LRP1B: variants seen among roughly 807,000 people sequenced by gnomAD.
LRP1B encodes low-density lipoprotein receptor-related protein 1B.
A neutral mutation model predicts 556.6 loss-of-function variants in LRP1B; 217 were observed. The ratio of observed to expected loss-of-function variants is 0.39; its 90% CI spans 0.35 to 0.44. LRP1B has a LOEUF of 0.44. Among genes scored for constraint, LRP1B ranks in the 20% least tolerant of loss-of-function variants. LRP1B has a pLI of 1.00. For missense variants in LRP1B, 5,053 were observed against 5,620.8 expected (o/e 0.90, Z 3.23); for synonymous variants, 2,047 against 1,865.8 (o/e 1.10, Z -2.50).
chr2:141,735,698 G>A (rs550406820), intron 2 of LRP1B, among the ~76,000 whole-genome samples: 7 of 152,020 alleles, frequency 4.6e-5, no homozygotes, highest in Non-Finnish European at 1.0e-4. Flanking sequence ...CTTCTGCAGA[G>A]CTTTATTTAT....
chr2:141,667,038 C>G (rs1464539795), intron 2 of LRP1B, among the ~76,000 whole-genome samples: 1 of 151,918 alleles, frequency 6.6e-6, no homozygotes, highest in Non-Finnish European at 1.5e-5. Context: ...AAGGTTCAAA[C>G]TATTAGAGAG....
chr2:140,916,510 C>G (rs1339601034), intron 21 of LRP1B, among the ~76,000 whole-genome samples: 1 of 152,150 alleles, frequency 6.6e-6, no homozygotes, highest in Non-Finnish European at 1.5e-5. Context: ...GTGTGCCAGT[C>G]AGTTCTCTAT....
chr2:141,410,439 T>C (rs1471577618), intron 3 of LRP1B, among the ~76,000 whole-genome samples: 3 of 152,158 alleles, frequency 2.0e-5, no homozygotes, highest in African/African-American at 7.2e-5. Context: ...CATATTAAGA[T>C]GATAATGTCA....
At position 141,999,525 on chromosome 2, in the gene LRP1B, T is replaced by G. The variant is rs191386994; in HGVS notation, c.82+131123A>C. ...CAATGGCTTGTTTAATTTTATTGAA[T>G]TTTGTTAAAGAAATAAAGATTTAAA... is the stretch of plus-strand genomic sequence containing the variant. On this transcript the variant is annotated intron_variant, in intron 1 of 90. Coordinates refer to ENST00000389484, the MANE Select transcript of LRP1B (RefSeq NM_018557.3). 2.4e-4 allele frequency among the ~76,000 whole-genome samples: 37 copies of G among 152,250 alleles called. 1 individual carries two copies. The highest frequency in any genetic ancestry group is 8.7e-4 in the African/African-American group (36 of 41,560).
At chr2:140,792,579 A>G (rs1690160033) in intron 32 of LRP1B, among the ~76,000 whole-genome samples, 1 of 152,184 alleles carries the variant, frequency 6.6e-6, no homozygotes, top group Admixed American at 6.5e-5. Flanking sequence ...TTTGGTTTTC[A>G]GTTCTTGGAG....
intron 35 of LRP1B, among the ~76,000 whole-genome samples, chr2:140,757,710 A>C (rs1396648224): frequency 6.6e-6 from 1 of 152,116 alleles, no homozygotes; most frequent in Non-Finnish European, 1.5e-5. Context: ...GCAAAACCGC[A>C]TCTCTGCTAA....
chr2:141,326,382 T>A (rs992607338), intron 3 of LRP1B, among the ~76,000 whole-genome samples: 6 of 152,094 alleles, frequency 3.9e-5, no homozygotes, highest in African/African-American at 1.2e-4. Flanking sequence ...GGAAAGGACA[T>A]TATAATCTAA....
chr2:140,356,969 G>T (rs1318021599), intron 74 of LRP1B, among the ~76,000 whole-genome samples: 1 of 151,528 alleles, frequency 6.6e-6, no homozygotes, highest in African/African-American at 2.4e-5. Flanking sequence ...ATTTTTTTAT[G>T]CTGGACATAC....
chr2:140,897,053 A>AT (rs1420774992), intron 23 of LRP1B, among the ~76,000 whole-genome samples: 1 of 152,238 alleles, frequency 6.6e-6, no homozygotes, highest in Non-Finnish European at 1.5e-5. Context: ...AAAGTGCACT[A>AT]TACATTTCAG....
intron 1 of LRP1B, among the ~76,000 whole-genome samples, chr2:141,882,035 G>T (rs12616478): frequency 6.6e-6 from 1 of 152,178 alleles, no homozygotes; most frequent in East Asian, 1.9e-4. Context: ...GGGATTATAG[G>T]TGTGAGCCAT....
chr2:140,702,403 A>G, intron 38 of LRP1B, 24 bp downstream of exon 38: 1 of 1,612,322 alleles, frequency 6.2e-7, no homozygotes, highest in Non-Finnish European at 8.5e-7. Flanking sequence ...GGCACTTTAA[A>G]TACTGAAAAG....
intron 7 of LRP1B, among the ~76,000 whole-genome samples, chr2:141,176,466 C>G (rs1335156203): frequency 6.6e-6 from 1 of 152,028 alleles, no homozygotes; most frequent in Admixed American, 6.6e-5. Flanking sequence ...TGGTCTCTCT[C>G]TCACCACCAT....
intron 86 of LRP1B, among the ~76,000 whole-genome samples, chr2:140,262,698 G>C (rs924300490): frequency 1.3e-5 from 2 of 152,054 alleles, no homozygotes; most frequent in Non-Finnish European, 2.9e-5. Context: ...AAAACAAGAG[G>C]AATACTTCTA....
At chr2:140,814,018 A>T (rs1323709493) in intron 31 of LRP1B, among the ~76,000 whole-genome samples, 2 of 152,120 alleles carry the variant, frequency 1.3e-5, no homozygotes, top group African/African-American at 2.4e-5. Context: ...TCTGTCATTT[A>T]TACTGGAGTG....
At chr2:141,513,419 A>G (rs1318668847) in intron 2 of LRP1B, among the ~76,000 whole-genome samples, 1 of 152,010 alleles carries the variant, frequency 6.6e-6, no homozygotes. Flanking sequence ...GTATAATATT[A>G]TGAACATTGA....
intron 2 of LRP1B, among the ~76,000 whole-genome samples, chr2:141,571,738 G>A (rs184923861): frequency 2.0e-4 from 30 of 152,156 alleles, no homozygotes; most frequent in Admixed American, 1.8e-3. Flanking sequence ...GAACATAAAC[G>A]ACCTGATGGT....
chr2:141,705,689 A>G (rs1210345125), intron 2 of LRP1B, among the ~76,000 whole-genome samples: 2 of 151,980 alleles, frequency 1.3e-5, no homozygotes, highest in Non-Finnish European at 2.9e-5. Flanking sequence ...CTTTATTTTC[A>G]TTTCACAGAT....
At chr2:141,210,726 A>G (rs540135133) in intron 6 of LRP1B, among the ~76,000 whole-genome samples, 47 of 152,174 alleles carry the variant, frequency 3.1e-4, no homozygotes, top group Non-Finnish European at 5.0e-4. Flanking sequence ...ATAATGATTT[A>G]AAAGTTTGAT....
intron 43 of LRP1B, among the ~76,000 whole-genome samples, chr2:140,579,861 A>C (rs897681840): frequency 5.9e-5 from 9 of 152,150 alleles, no homozygotes; most frequent in Non-Finnish European, 1.3e-4. Flanking sequence ...TAATAAAATA[A>C]AATAAAAAGG....
Sources: gnomAD v4.1 joint callset for allele counts (sites outside exome capture counted in the v4.1 genomes callset) on GRCh38, gnomAD v4.1.1 for gene constraint, MANE v1.5 for transcripts, NCBI Gene and HGNC (gene_info 2026-07-23, HGNC 2026-07-21) for gene names.